Variants in ZNF534 observed in about 807,000 individuals in gnomAD.
ZNF534 encodes the protein zinc finger protein 534.
ZNF534 carries 19 observed loss-of-function variants against 13.6 expected under a neutral mutation model. The ratio of observed to expected loss-of-function variants is 1.40; its 90% CI spans 0.97 to 2.05. The LOEUF (loss-of-function observed/expected upper bound fraction) is 2.05, where lower values mean the gene tolerates loss of function less well. Among genes scored for constraint, ZNF534 ranks in the 30% most tolerant of loss-of-function variants. ZNF534 has a pLI of 0.00. For synonymous variants in ZNF534, 244 were observed against 273.8 expected (o/e 0.89, Z 1.07); for missense variants, 782 against 796.3 (o/e 0.98, Z 0.22).
At chr19:52,433,200 C>T (rs2059100509) in intron 2 of ZNF534, among the ~76,000 whole-genome samples, 1 of 145,764 alleles carries the variant, frequency 6.9e-6, no homozygotes, top group South Asian at 2.2e-4. Context: ...TATCACACCC[C>T]TGCACTCCAG....
chr19:52,431,595 C>T, intron 2 of ZNF534, 106 bp downstream of exon 2: 1 of 1,432,880 alleles, frequency 7.0e-7, no homozygotes, highest in Non-Finnish European at 9.8e-7. Flanking sequence ...TGACTCATTT[C>T]ATTGCACTTA....
chr19:52,438,708 C>T lies in ZNF534; in HGVS notation c.1248C>T (p.Gly416=), dbSNP rs749804564. The T allele has an allele frequency of 3.2e-6, 5 of 1,585,062 alleles. No homozygotes were observed. Among genetic ancestry groups the T allele is most frequent in the South Asian group, 2.3e-5 (2 of 88,248 alleles). ...GGRRYKCNEC[G]KAFRTCSDLT... ...GGCGTTACAAATGTAATGAATGTGG[C>T]AAAGCATTTAGAACGTGTTCAGATC... The change falls in exon 5 of 5, where the codon GGC becomes GGT. Residue 416 remains glycine (G), a synonymous_variant. Transcript: ENST00000433050.
Position 52,438,459 on chromosome 19 carries a change from G to C in ZNF534, c.999G>C (p.Lys333Asn), listed in dbSNP as rs372171741. The C allele has an allele frequency of 1.4e-5, 22 of 1,606,488 alleles. No homozygotes were observed. The African/African-American group carries it at 2.8e-4, about 20-fold the overall frequency. Residue 333 changes from lysine to asparagine, a missense_variant, in exon 5 of 5, where the codon AAG (lysine) becomes AAC (asparagine). This residue lies in a region of ZNF534 where 591 missense variants were observed against 574.0 expected (regional missense o/e 1.03). Transcript: ENST00000433050. ...CTTATGATTGTAAGGAATGTGGCAA[G>C]GTCTTCAGGCATAAGTCTTCCCTAA... Reference protein sequence around the residue: ...EKPYDCKECGKVFRHKSSLTT... With the variant: ...EKPYDCKECGNVFRHKSSLTT...
At chr19:52,437,196 C>T (rs1371942215) in intron 4 of ZNF534, among the ~76,000 whole-genome samples, 1 of 152,138 alleles carries the variant, frequency 6.6e-6, no homozygotes, top group Non-Finnish European at 1.5e-5. Flanking sequence ...GTTAGTTACT[C>T]TTGTATTTGT....
At position 52,438,394 on chromosome 19, in the gene ZNF534, A is replaced by G. The variant is rs1385359264; in HGVS notation, c.934A>G (p.Ser312Gly). ...TGGCAAAGCATTTAGTGTGTGTTCCAGTCTTACTGCTCATCTTGTAATCCA... is the reference window on the plus strand; with the variant it reads ...TGGCAAAGCATTTAGTGTGTGTTCCGGTCTTACTGCTCATCTTGTAATCCA... ...ECGKAFSVCSSLTAHLVIHTG... is the reference protein window; with the variant it reads ...ECGKAFSVCSGLTAHLVIHTG... The change falls in exon 5 of 5, where the codon AGT becomes GGT. Residue 312 changes from serine to glycine, a missense_variant. This residue lies in a region of ZNF534 where 591 missense variants were observed against 574.0 expected (regional missense o/e 1.03). Coordinates refer to ENST00000433050, the MANE Select transcript of ZNF534 (RefSeq NM_001143938.3). The G allele has an allele frequency of 3.1e-6, 5 of 1,613,374 alleles. No individual in the cohort carries two copies. The Admixed American group carries it at 6.7e-5, about 22-fold the overall frequency.
At chr19:52,433,236 CAAAAAA>C (rs1171627054) in intron 2 of ZNF534, among the ~76,000 whole-genome samples, 3 of 64,618 alleles carry the variant, frequency 4.6e-5, no homozygotes, top group Admixed American at 3.9e-4. Context: ...GATCCTATCT[CAAAAAA>C]AAAAAAAAAA....
At chr19:52,433,307 ATC>A (rs2059102158) in intron 2 of ZNF534, among the ~76,000 whole-genome samples, 1 of 150,034 alleles carries the variant, frequency 6.7e-6, no homozygotes, top group Non-Finnish European at 1.5e-5. Flanking sequence ...CACTACTTGT[ATC>A]TCAGGTAGAT....
downstream of ZNF534, among the ~76,000 whole-genome samples, chr19:52,444,281 A>G (rs1204917951): frequency 6.6e-6 from 1 of 152,086 alleles, no homozygotes; most frequent in Non-Finnish European, 1.5e-5. Flanking sequence ...TGGATGATCT[A>G]GCCACCCAGC....
downstream of ZNF534, among the ~76,000 whole-genome samples, chr19:52,442,764 A>G (rs1025859359): frequency 1.6e-4 from 24 of 152,354 alleles, no homozygotes; most frequent in Middle Eastern, 6.8e-3. Flanking sequence ...GGCTGATTTC[A>G]TTAGCTGAGG....
At position 52,439,510 on chromosome 19, in the gene ZNF534, G is replaced by C. The variant is rs955096745; in HGVS notation, c.*64G>C. The C allele has an allele frequency of 7.1e-7, 1 of 1,399,108 alleles. No homozygotes were observed. The highest frequency in any genetic ancestry group is 9.5e-7 in the Non-Finnish European group (1 of 1,050,684). 86.7% of individuals were successfully genotyped at this position (1,399,108 alleles called of 1,614,324 possible). ...TGTAATCCCAGCACTTTGGGAGTCC[G>C]AGGCAGGTGGATCATGAGGTCAGGA... On this transcript the variant is annotated 3_prime_UTR_variant, in exon 5 of 5. Coordinates refer to ENST00000433050, the MANE Select transcript of ZNF534 (RefSeq NM_001143938.3).
At position 52,439,916 on chromosome 19, in the gene ZNF534, A is replaced by G. The variant is rs959390774; in HGVS notation, c.*470A>G. On this transcript the variant is annotated 3_prime_UTR_variant, in exon 5 of 5. Coordinates refer to ENST00000433050, the MANE Select transcript of ZNF534 (RefSeq NM_001143938.3). ...AAACCCCATCTCTACTAAAAATACA[A>G]AATTAGCTGACTGAGGTGGCAGGCA... Among the ~76,000 whole-genome samples the G allele has an allele frequency of 5.3e-5, 8 of 151,430 alleles. No individual in the cohort carries two copies. The highest frequency in any genetic ancestry group is 1.0e-4 in the Non-Finnish European group (7 of 67,926).
At chr19:52,429,532 T>C (rs2059072535) in intron 1 of ZNF534, among the ~76,000 whole-genome samples, 2 of 152,098 alleles carry the variant, frequency 1.3e-5, no homozygotes, top group East Asian at 1.9e-4. Context: ...CATTGATGTG[T>C]ACCCCAGAGA....
Position 52,438,229 on chromosome 19 carries a change from C to G in ZNF534, c.769C>G (p.Leu257Val), listed in dbSNP as rs780266891. Residue 257 changes from leucine (L) to valine (V), a missense_variant, in exon 5 of 5, where the codon CTT (leucine) becomes GTT (valine). Transcript: ENST00000433050. ...CAAAGTCTTCAATCAGAATTCACAC[C>G]TTGCACAACATCAGAAAATTCATAC... ...CGKVFNQNSHLAQHQKIHTGQ... is the reference protein window; with the variant it reads ...CGKVFNQNSHVAQHQKIHTGQ... 1 of 1,613,920 alleles carries G rather than the reference C, an allele frequency of 6.2e-7. No individual in the cohort carries two copies. Among genetic ancestry groups the G allele is most frequent in the African/African-American group, 1.3e-5 (1 of 74,920 alleles).
exon 5 of ZNF534, chr19:52,451,215 C>G: frequency 2.8e-6 from 2 of 709,742 alleles, no homozygotes; most frequent in Non-Finnish European, 5.2e-6. Context: ...GGGACGCGCG[C>G]GTCTTCAGGG....
intron 4 of ZNF534, 82 bp downstream of exon 4, chr19:52,435,291 T>C (rs545870183): frequency 6.9e-7 from 1 of 1,439,542 alleles, no homozygotes; most frequent in Non-Finnish European, 9.3e-7. Flanking sequence ...CAGGCTGGAG[T>C]ACAGTGGCAA....
chr19:52,441,211 T>C lies in ZNF534; in HGVS notation c.*1765T>C, dbSNP rs527548137. 4.0e-5 allele frequency among the ~76,000 whole-genome samples: 6 copies of C among 151,762 alleles called. No homozygotes were observed. Among genetic ancestry groups the C allele is most frequent in the African/African-American group, 1.2e-4 (5 of 41,402 alleles). The stretch of plus-strand genomic sequence containing the variant: ...GAGCTGCTGCACCCAGCTTGAGAAA[T>C]CATATGAATATATGGAATGTACTCC... On this transcript the variant is annotated 3_prime_UTR_variant, in exon 5 of 5. Coordinates refer to ENST00000433050, the MANE Select transcript of ZNF534 (RefSeq NM_001143938.3).
chr19:52,444,057 T>C (rs934756134), downstream of ZNF534, among the ~76,000 whole-genome samples: 1 of 152,114 alleles, frequency 6.6e-6, no homozygotes, highest in Non-Finnish European at 1.5e-5. Flanking sequence ...TGTGATTTTT[T>C]GGGGGATGTT....
At position 52,436,453 on chromosome 19, in the gene ZNF534, T is replaced by C. The variant is rs376095251; in HGVS notation, c.271+1244T>C. Among the ~76,000 whole-genome samples the C allele has an allele frequency of 1.0e-3, 152 of 152,360 alleles. 4 individuals are homozygous for C. The highest frequency in any genetic ancestry group is 3.4e-3 in the African/African-American group (141 of 41,588). On this transcript the variant is annotated intron_variant, in intron 4 of 4. Transcript: ENST00000433050. ...AATGTCTTTGGGCTAATTTTAGTAATGGTCAAGCTTCTTGAATTTGTATAT... is the reference window on the plus strand; with the variant it reads ...AATGTCTTTGGGCTAATTTTAGTAACGGTCAAGCTTCTTGAATTTGTATAT...
rs1209981128 is a variant in ZNF534 at position 52,441,873 on chromosome 19, C to G, written c.*2427C>G. ...AAAATGTTTTAGTCACAATTCACACCTTGGACAGCATCAGATAATTTATTC... is the reference window on the plus strand; with the variant it reads ...AAAATGTTTTAGTCACAATTCACACGTTGGACAGCATCAGATAATTTATTC... On this transcript the variant is annotated 3_prime_UTR_variant, in exon 5 of 5. Coordinates refer to ENST00000433050, the MANE Select transcript of ZNF534 (RefSeq NM_001143938.3). Among the ~76,000 whole-genome samples, 1 of 152,178 alleles carries G rather than the reference C, an allele frequency of 6.6e-6. No individual in the cohort carries two copies. Among genetic ancestry groups the G allele is most frequent in the African/African-American group, 2.4e-5 (1 of 41,442 alleles).
Sources: gnomAD v4.1 joint callset for allele counts (sites outside exome capture counted in the v4.1 genomes callset) on GRCh38, gnomAD v4.1.1 for gene constraint, gnomAD v4.1.1 regional missense constraint, MANE v1.5 for transcripts, NCBI Gene and HGNC (gene_info 2026-07-23, HGNC 2026-07-21) for gene names.